The following UACA variants were observed in gnomAD, a reference collection of about 807,000 sequenced individuals.
UACA encodes nuclear membrane binding protein.
In UACA, 112 loss-of-function variants were observed where a neutral mutation model predicts 160.5. That is an observed-to-expected ratio of 0.70 (90% CI 0.60 to 0.82). The LOEUF is 0.82. UACA is among the 40% of genes least tolerant of loss of function. UACA has a pLI of 0.00. For missense variants in UACA, 1,574 were observed against 1,614.6 expected (o/e 0.97, Z 0.43); for synonymous variants, 557 against 568.4 (o/e 0.98, Z 0.29).
chr15:70,745,305 G>A (rs1899669387), intron 1 of UACA, among the ~76,000 whole-genome samples: 1 of 151,902 alleles, frequency 6.6e-6, no homozygotes, highest in African/African-American at 2.4e-5. Flanking sequence ...CGTGGTGGTG[G>A]GCACCTGTAG....
intron 7 of UACA, among the ~76,000 whole-genome samples, chr15:70,686,027 C>A (rs1477011592): frequency 6.6e-6 from 1 of 151,800 alleles, no homozygotes; most frequent in South Asian, 2.1e-4. Context: ...CGCGCCCAGC[C>A]GTAAAATTTA....
At chr15:70,703,136 A>G in intron 1 of UACA, 13 of 1,289,114 alleles carry the variant, frequency 1.0e-5, no homozygotes, top group South Asian at 1.2e-5. Context: ...CATTTCTTAC[A>G]TTACCAAGGC....
At chr15:70,749,531 A>AC (rs951550888) in intron 1 of UACA, among the ~76,000 whole-genome samples, 3 of 151,184 alleles carry the variant, frequency 2.0e-5, no homozygotes, top group Non-Finnish European at 2.9e-5. Flanking sequence ...TCTCAAAAAA[A>AC]AAAAACAAAA....
At chr15:70,719,790 T>C (rs1898935424) in intron 1 of UACA, among the ~76,000 whole-genome samples, 1 of 152,106 alleles carries the variant, frequency 6.6e-6, no homozygotes, top group Non-Finnish European at 1.5e-5. Context: ...CCAAGAATCA[T>C]GGAAAACAAC....
At position 70,684,256 on chromosome 15, in the gene UACA, T is replaced by C. The variant is rs779649235; in HGVS notation, c.784+9A>G. On this transcript the variant is annotated intron_variant, in intron 8 of 18. Transcript: ENST00000322954. ...GTGGACTTTTCTAGTTACAGAAAACTGCTGATACCTTTGTTGGTATTTTCC... is the reference window on the plus strand; with the variant it reads ...GTGGACTTTTCTAGTTACAGAAAACCGCTGATACCTTTGTTGGTATTTTCC... 4 of 1,589,222 alleles carry C rather than the reference T, an allele frequency of 2.5e-6. No individual in the cohort carries two copies. The South Asian group carries it at 3.5e-5, about 14-fold the overall frequency.
chr15:70,670,502 T>G (rs540192373), intron 15 of UACA, among the ~76,000 whole-genome samples: 1 of 152,244 alleles, frequency 6.6e-6, no homozygotes, highest in Admixed American at 6.5e-5. Context: ...TCTAACACTT[T>G]TTAATAAACT....
At chr15:70,725,204 A>T (rs1278858664) in intron 1 of UACA, among the ~76,000 whole-genome samples, 5 of 152,228 alleles carry the variant, frequency 3.3e-5, no homozygotes, top group Admixed American at 3.3e-4. Context: ...ATAATGATAT[A>T]AAAAATCTAA....
chr15:70,763,253 C>T, intron 1 of UACA, 77 bp downstream of exon 1: 2 of 1,274,536 alleles, frequency 1.6e-6, no homozygotes, highest in South Asian at 2.4e-5. Flanking sequence ...AGGAAGGCGG[C>T]GCGCGAACTC....
At chr15:70,700,384 A>T (rs1898312094) in intron 1 of UACA, among the ~76,000 whole-genome samples, 2 of 151,460 alleles carry the variant, frequency 1.3e-5, no homozygotes, top group African/African-American at 4.9e-5. Flanking sequence ...TATTAGAATA[A>T]AATAAAACTT....
chr15:70,756,968 G>A lies in UACA; in HGVS notation c.78+6362C>T, dbSNP rs149446420. On this transcript the variant is annotated intron_variant, in intron 1 of 18. Transcript: ENST00000322954. ...GTTTCAAATAATTCGATATCATCAA[G>A]TATCCAGCTGATGATTATATTTCCT... is the stretch of plus-strand genomic sequence containing the variant. Among the ~76,000 whole-genome samples, 5 of 152,278 alleles carry A rather than the reference G, an allele frequency of 3.3e-5. No homozygotes were observed. In the East Asian group the frequency reaches 9.6e-4, roughly 29 times the overall value.
chr15:70,690,467 T>C lies in UACA; in HGVS notation c.411A>G (p.Ala137=), dbSNP rs1370534833. The change falls in exon 5 of 19, where the codon GCA becomes GCG. Residue 137 remains alanine, a synonymous_variant. Transcript: ENST00000322954. ...ACCACTGCTCACCGGCATCGTGAAG[T>C]GCAGTTCTTCCCTGCAGGTCTGCAT... ...TEHADLQGRT[A]LHDAAMADCP... 3 of 1,613,096 alleles carry C rather than the reference T, an allele frequency of 1.9e-6. No homozygotes were observed. Among genetic ancestry groups the C allele is most frequent in the South Asian group, 2.2e-5 (2 of 90,886 alleles).
intron 1 of UACA, among the ~76,000 whole-genome samples, chr15:70,713,405 G>C (rs1898742856): frequency 6.6e-6 from 1 of 152,158 alleles, no homozygotes; most frequent in Non-Finnish European, 1.5e-5. Context: ...ACTGAAAAAG[G>C]CTGTTGTAAG....
chr15:70,664,551 C>A lies in UACA; in HGVS notation c.4113+111G>T, dbSNP rs367558132. On this transcript the variant is annotated intron_variant, in intron 17 of 18. Coordinates refer to ENST00000322954, the MANE Select transcript of UACA (RefSeq NM_018003.4). Reference sequence around the variant, plus strand: ...TTTCGCATATAAAAATAATTATATTCTTGGATCCGAACATAGCTACAGAGC... The same window carrying A: ...TTTCGCATATAAAAATAATTATATTATTGGATCCGAACATAGCTACAGAGC... The A allele has an allele frequency of 9.2e-6, 12 of 1,298,068 alleles. No homozygotes were observed. In the Admixed American group the frequency reaches 3.5e-4, roughly 38 times the overall value. 80.4% of individuals were successfully genotyped at this position (1,298,068 alleles called of 1,614,324 possible).
At chr15:70,693,762 AG>A (rs1303149582) in intron 3 of UACA, among the ~76,000 whole-genome samples, 6 of 152,102 alleles carry the variant, frequency 3.9e-5, no homozygotes, top group Non-Finnish European at 8.8e-5. Flanking sequence ...AAAACAAGAA[AG>A]ATACCTGTTT....
In UACA at chr15:70,671,954, T is replaced by A. The variant is rs748154595; in HGVS notation, c.1168+11A>T. On this transcript the variant is annotated intron_variant, in intron 14 of 18. Transcript: ENST00000322954. ...GTGAACTGTAATGATAATCCATACT[T>A]TTATACTTACGGTTACTGAAATGAC... The A allele has an allele frequency of 3.1e-6, 5 of 1,594,656 alleles. No individual in the cohort carries two copies. The highest frequency in any genetic ancestry group is 1.7e-5 in the Admixed American group (1 of 57,946).
Position 70,676,560 on chromosome 15 carries a change from T to G in UACA, c.1064A>C (p.Lys355Thr). 3 of 1,612,884 alleles carry G rather than the reference T, an allele frequency of 1.9e-6. No homozygotes were observed. Among genetic ancestry groups the G allele is most frequent in the Non-Finnish European group, 2.5e-6 (3 of 1,179,662 alleles). Reference protein sequence around the residue: ...REKLKSLLAAKEKQHEESLRT... With the variant: ...REKLKSLLAATEKQHEESLRT... ...TAAGCTTTCTTCATGTTGCTTTTCT[T>G]TAGCTGCCAAAAGGGACTTCAGCTT... The change falls in exon 13 of 19, where the codon AAA becomes ACA. Residue 355 changes from lysine to threonine, a missense_variant. Physicochemically the swap from Lys to Thr is moderately conservative, Grantham distance 78. Coordinates refer to ENST00000322954, the MANE Select transcript of UACA (RefSeq NM_018003.4).
intron 1 of UACA, chr15:70,703,212 T>C (rs1307911450): frequency 7.8e-7 from 1 of 1,288,904 alleles, no homozygotes; most frequent in Non-Finnish European, 1.0e-6. Context: ...ATGTTCTCAT[T>C]ACCACAATAG....
chr15:70,760,548 C>G (rs977146310), intron 1 of UACA, among the ~76,000 whole-genome samples: 3 of 152,150 alleles, frequency 2.0e-5, no homozygotes, highest in Non-Finnish European at 2.9e-5. Flanking sequence ...GTGGCTCACG[C>G]CTGTAATCCC....
chr15:70,712,832 T>C lies in UACA; in HGVS notation c.79-13172A>G, dbSNP rs569869788. Among the ~76,000 whole-genome samples, 3 of 152,192 alleles carry C rather than the reference T, an allele frequency of 2.0e-5. 1 individual carries two copies. The South Asian group carries it at 6.2e-4, about 32-fold the overall frequency. ...TCTCTAATCATCTGGAAAAAAATCT[T>C]CAATGTAAAAGTATCTTTTTAAAAT... On this transcript the variant is annotated intron_variant, in intron 1 of 18. Transcript: ENST00000322954.
Sources: allele counts gnomAD v4.1 joint callset (sites outside exome capture counted in the v4.1 genomes callset), GRCh38; gene constraint gnomAD v4.1.1; transcripts MANE v1.5; gene names NCBI Gene and HGNC (gene_info 2026-07-23, HGNC 2026-07-21).